Variants in HERC1 observed in about 807,000 individuals in gnomAD.
The protein encoded by HERC1 is probable E3 ubiquitin-protein ligase HERC1.
A neutral mutation model predicts 554.3 loss-of-function variants in HERC1; 160 were observed. The ratio of observed to expected loss-of-function variants is 0.29; its 90% CI spans 0.25 to 0.33. HERC1 has a LOEUF of 0.33. Among genes scored for constraint, HERC1 ranks in the 10% least tolerant of loss-of-function variants. HERC1 has a pLI of 1.00. For synonymous variants in HERC1, 2,175 were observed against 2,131.7 expected (o/e 1.02, Z -0.56); for missense variants, 4,919 against 5,918.5 (o/e 0.83, Z 5.54).
At position 63,666,201 on chromosome 15, in the gene HERC1, C is replaced by T. The variant is rs1381045074; in HGVS notation, c.8324-51G>A. The T allele has an allele frequency of 3.4e-5, 51 of 1,495,026 alleles. 1 individual carries two copies. In the East Asian group the frequency reaches 1.1e-3, roughly 33 times the overall value. The allele number at this position is 1,495,026 out of a possible 1,614,324, so 92.6% of individuals were successfully genotyped here. ...GCTGACTTTGGGCAAAGAATTAGGT[C>T]TTTATGTTATAAGAGTGTTTGCTAT... On this transcript the variant is annotated intron_variant, in intron 41 of 77. Transcript: ENST00000443617.
At chr15:63,689,526 G>A in intron 33 of HERC1, 63 bp downstream of exon 33, 1 of 880,552 alleles carries the variant, frequency 1.1e-6, no homozygotes, top group Non-Finnish European at 1.8e-6. Flanking sequence ...CAGGCATTCA[G>A]AGACAAGTGA....
chr15:63,757,122 A>G (rs1419016908), intron 4 of HERC1, among the ~76,000 whole-genome samples: 1 of 152,072 alleles, frequency 6.6e-6, no homozygotes, highest in African/African-American at 2.4e-5. Context: ...TGTATTCTAA[A>G]CCTATTTGAA....
chr15:63,792,209 C>G (rs1299905642), intron 1 of HERC1, among the ~76,000 whole-genome samples: 1 of 151,988 alleles, frequency 6.6e-6, no homozygotes, highest in East Asian at 1.9e-4. Flanking sequence ...GTTCTAATAC[C>G]CAAGAAATGA....
Position 63,616,615 on chromosome 15 carries a change from T to C in HERC1, c.13756A>G (p.Met4586Val), listed in dbSNP as rs775372026. Reference protein sequence around the residue: ...LMQFKFLGILMGVAIRTKKPL... With the variant: ...LMQFKFLGILVGVAIRTKKPL... ...TTCTTTGTGCGAATGGCAACCCCCA[T>C]TAAAATTCCTAAAAACTTAAACTGC... The change falls in exon 75 of 78, where the codon ATG becomes GTG. Residue 4586 changes from methionine to valine, a missense_variant. By Grantham distance (21) the Met-to-Val change is conservative (BLOSUM62 1). Around this residue, in one of 11 missense-constraint regions of HERC1, gnomAD observed 284 missense variants for 294.1 expected, o/e 0.97. Transcript: ENST00000443617. The C allele has an allele frequency of 3.8e-5, 61 of 1,613,764 alleles. No individual in the cohort carries two copies. Among genetic ancestry groups the C allele is most frequent in the Non-Finnish European group, 4.9e-5 (58 of 1,179,874 alleles).
chr15:63,743,282 A>T (rs868428657), intron 12 of HERC1, among the ~76,000 whole-genome samples: 1,709 of 20,172 alleles, frequency 0.085, 17 homozygotes, highest in African/African-American at 0.19. Flanking sequence ...TTTTTTTTTT[A>T]AATGGAGTCT....
At chr15:63,691,726 T>C (rs1242429280) in intron 31 of HERC1, among the ~76,000 whole-genome samples, 1 of 152,068 alleles carries the variant, frequency 6.6e-6, no homozygotes, top group Non-Finnish European at 1.5e-5. Context: ...CCATGTGCCG[T>C]AGAGGATTAC....
chr15:63,818,645 G>T (rs2077578117), intron 1 of HERC1, among the ~76,000 whole-genome samples: 1 of 152,144 alleles, frequency 6.6e-6, no homozygotes, highest in Non-Finnish European at 1.5e-5. Flanking sequence ...GTAGCTTTGA[G>T]AGTTTTGAAA....
intron 23 of HERC1, among the ~76,000 whole-genome samples, 198 bp from the exon 24 acceptor site, chr15:63,713,093 A>G (rs2073384699): frequency 6.6e-6 from 1 of 152,268 alleles, no homozygotes; most frequent in African/African-American, 2.4e-5. Flanking sequence ...GAGCAATGCA[A>G]GTAACTTCAC....
rs548962171 is a variant in HERC1 at position 63,809,518 on chromosome 15, T to A, written c.-27+24309A>T. ...TAACAAGGCTACACATCAGGAGCTG[T>A]GGATAACACTAAGATAATGAAGAGA... On this transcript the variant is annotated intron_variant, in intron 1 of 77. Transcript: ENST00000443617. Among the ~76,000 whole-genome samples, 62 of 152,258 alleles carry A rather than the reference T, an allele frequency of 4.1e-4. No homozygotes were observed. The South Asian group carries it at 0.012, about 30-fold the overall frequency.
rs1595950895 is a variant in HERC1, at chr15:63,677,220, T to C, written c.7070+625A>G. On this transcript the variant is annotated intron_variant, in intron 37 of 77. Transcript: ENST00000443617. The surrounding 1 kb of genome is among the most constrained non-coding windows in gnomAD (Gnocchi z 4.4). ...TTTGGGATGCTCAACCTGCATTTCC[T>C]TGTAAACATATGAAATTTGTAATTT... Among the ~76,000 whole-genome samples, 1 of 152,348 alleles carries C rather than the reference T, an allele frequency of 6.6e-6. No homozygotes were observed. The highest frequency in any genetic ancestry group is 2.4e-5 in the African/African-American group (1 of 41,590).
At chr15:63,634,636 C>A in intron 66 of HERC1, 97 bp downstream of exon 66, 1 of 936,842 alleles carries the variant, frequency 1.1e-6, no homozygotes. Context: ...AGGTTAGGTA[C>A]AACTGGTGAT....
At chr15:63,698,522 G>C (rs1596004186) in intron 26 of HERC1, among the ~76,000 whole-genome samples, 2 of 151,968 alleles carry the variant, frequency 1.3e-5, no homozygotes, top group South Asian at 4.2e-4. Flanking sequence ...TGTTCTGAGA[G>C]ATGACAATTT....
rs187103466 is a variant in HERC1 at position 63,683,122 on chromosome 15, C to A, written c.6226-2346G>T. Among the ~76,000 whole-genome samples the A allele has an allele frequency of 1.1e-3, 151 of 135,212 alleles. 1 individual carries two copies. Among genetic ancestry groups the A allele is most frequent in the African/African-American group, 4.1e-3 (149 of 36,598 alleles). The allele number at this position is 135,212 out of a possible 152,430, so 88.7% of individuals were successfully genotyped here. ...CTGCACTCCAGCCTGGGCAACAGAG[C>A]TACACTCTGTCTCAAAAAAAAAAAA... is the stretch of plus-strand genomic sequence containing the variant. On this transcript the variant is annotated intron_variant, in intron 34 of 77. Coordinates refer to ENST00000443617, the MANE Select transcript of HERC1 (RefSeq NM_003922.4).
At chr15:63,773,704 C>T (rs772545138) in intron 2 of HERC1, among the ~76,000 whole-genome samples, 11 of 151,430 alleles carry the variant, frequency 7.3e-5, no homozygotes, top group Non-Finnish European at 1.0e-4. Context: ...CCACCACACC[C>T]GGATAATTTT....
At chr15:63,792,226 G>A (rs1463290639) in intron 1 of HERC1, among the ~76,000 whole-genome samples, 1 of 152,014 alleles carries the variant, frequency 6.6e-6, no homozygotes, top group Non-Finnish European at 1.5e-5. Flanking sequence ...ATGATCTTGG[G>A]CAAGAACACA....
intron 1 of HERC1, among the ~76,000 whole-genome samples, chr15:63,802,452 T>G (rs1240872434): frequency 6.6e-6 from 1 of 152,050 alleles, no homozygotes; most frequent in Admixed American, 6.5e-5. Context: ...ACAGACAAAA[T>G]CAAATCAAAC....
At chr15:63,671,389 TGA>T (rs1050151623) in intron 39 of HERC1, among the ~76,000 whole-genome samples, 68 of 147,030 alleles carry the variant, frequency 4.6e-4, no homozygotes, top group African/African-American at 1.7e-3. Context: ...AAAAAAAAAG[TGA>T]GAGAGAAAAA....
At chr15:63,708,288 T>A (rs2073120303) in intron 24 of HERC1, among the ~76,000 whole-genome samples, 1 of 152,204 alleles carries the variant, frequency 6.6e-6, no homozygotes, top group Non-Finnish European at 1.5e-5. Flanking sequence ...TTGTTTTTTA[T>A]CTTTTAGACA....
At chr15:63,649,667 C>A in intron 54 of HERC1, 58 bp downstream of exon 54, 2 of 1,397,948 alleles carry the variant, frequency 1.4e-6, no homozygotes, top group Non-Finnish European at 2.0e-6. Context: ...TGCCAAAAAG[C>A]TAAGTCTAGA....
Sources: allele counts gnomAD v4.1 joint callset (sites outside exome capture counted in the v4.1 genomes callset), GRCh38; gene constraint gnomAD v4.1.1; regional missense constraint gnomAD v4.1.1; non-coding constraint Gnocchi (gnomAD v3.1); transcripts MANE v1.5; gene names NCBI Gene and HGNC (gene_info 2026-07-23, HGNC 2026-07-21).